The following ULK2 variants were observed in gnomAD, a reference collection of about 807,000 sequenced individuals.
ULK2 encodes unc-51 like autophagy activating kinase 2.
In ULK2, 76 loss-of-function variants were observed where a neutral mutation model predicts 127.5. The ratio of observed to expected loss-of-function variants is 0.60; its 90% CI spans 0.50 to 0.72. The LOEUF (loss-of-function observed/expected upper bound fraction) is 0.72, where lower values mean the gene tolerates loss of function less well. Ranked by LOEUF, ULK2 falls within the 30% of genes least tolerant of loss-of-function variation. ULK2 has a pLI of 0.00. For missense variants in ULK2, 1,144 were observed against 1,295.9 expected, an observed-to-expected ratio of 0.88 and a Z score of 1.80; for synonymous variants, 452 against 461.9, an observed-to-expected ratio of 0.98 and a Z score of 0.28.
chr17:19,824,953 T>C, intron 12 of ULK2, 141 bp downstream of exon 12: 1 of 810,882 alleles, frequency 1.2e-6, no homozygotes, highest in South Asian at 1.8e-5. Flanking sequence ...GACCCAACTA[T>C]CATGTTCTTT....
At chr17:19,788,949 G>A (rs889328977) in intron 20 of ULK2, among the ~76,000 whole-genome samples, 3 of 152,156 alleles carry the variant, frequency 2.0e-5, no homozygotes, top group South Asian at 2.1e-4. Context: ...AGATTTCTAA[G>A]GTTTTTTATT....
At chr17:19,788,210 T>C (rs2087076907) in intron 20 of ULK2, among the ~76,000 whole-genome samples, 2 of 152,164 alleles carry the variant, frequency 1.3e-5, no homozygotes, top group South Asian at 2.1e-4. Context: ...GATTGGGGCA[T>C]GACTTAGAGA....
chr17:19,797,956 G>A (rs368924372), intron 17 of ULK2, among the ~76,000 whole-genome samples: 32 of 152,036 alleles, frequency 2.1e-4, no homozygotes, highest in South Asian at 1.9e-3. Flanking sequence ...ATTAATGCAA[G>A]GTCTGACTAG....
intron 3 of ULK2, among the ~76,000 whole-genome samples, chr17:19,857,372 G>A (rs1172370731): frequency 2.6e-5 from 4 of 151,674 alleles, no homozygotes; most frequent in Non-Finnish European, 5.9e-5. Flanking sequence ...CAGCTTCTGA[G>A]TTTCTTATCT....
At chr17:19,803,035 C>G (rs2152386835) in intron 15 of ULK2, among the ~76,000 whole-genome samples, 1 of 152,296 alleles carries the variant, frequency 6.6e-6, no homozygotes, top group South Asian at 2.1e-4. Context: ...CTGAATTTTT[C>G]CAACATTCCA....
At chr17:19,810,324 T>C in intron 14 of ULK2, 54 bp downstream of exon 14, 2 of 1,139,282 alleles carry the variant, frequency 1.8e-6, no homozygotes, top group Non-Finnish European at 2.6e-6. Flanking sequence ...ATAACCTTAC[T>C]CACAAAAATA....
At chr17:19,863,179 C>T (rs183515193) in intron 3 of ULK2, among the ~76,000 whole-genome samples, 30 of 151,808 alleles carry the variant, frequency 2.0e-4, no homozygotes, top group Admixed American at 1.8e-3. Flanking sequence ...CACACCACTT[C>T]ACTCCAGCCT....
chr17:19,801,092 G>C lies in ULK2; in HGVS notation c.1441+685C>G, dbSNP rs150153252. On this transcript the variant is annotated intron_variant, in intron 16 of 26. Coordinates refer to ENST00000395544, the MANE Select transcript of ULK2 (RefSeq NM_014683.4). ...GAAGGTTTCTGGTAATTGTGACCCA[G>C]AGCTGCTATACAGTAATCCTTATAA... 4.0e-3 allele frequency among the ~76,000 whole-genome samples: 604 copies of C among 151,922 alleles called. 10 individuals are homozygous for C. The highest frequency in any genetic ancestry group is 0.039 in the East Asian group (199 of 5,142).
At chr17:19,791,503 G>A (rs2087152033) in intron 20 of ULK2, among the ~76,000 whole-genome samples, 1 of 152,058 alleles carries the variant, frequency 6.6e-6, no homozygotes, top group African/African-American at 2.4e-5. Flanking sequence ...TGGCCAACAT[G>A]GTGAAACCCC....
chr17:19,843,720 G>A (rs9913673), intron 7 of ULK2, among the ~76,000 whole-genome samples: 4,628 of 150,514 alleles, frequency 0.031, 221 homozygotes, highest in African/African-American at 0.11. Context: ...GTGCAGTGGC[G>A]TGATCTCGGC....
At chr17:19,845,413 C>T (rs375755126) in intron 6 of ULK2, 36 bp from the exon 7 acceptor site, 8 of 1,486,536 alleles carry the variant, frequency 5.4e-6, no homozygotes, top group Admixed American at 1.7e-5. Flanking sequence ...AAGCAAATTA[C>T]GTCTTCGCTC....
At chr17:19,802,929 A>G (rs2087431687) in intron 15 of ULK2, among the ~76,000 whole-genome samples, 1 of 152,204 alleles carries the variant, frequency 6.6e-6, no homozygotes, top group Non-Finnish European at 1.5e-5. Flanking sequence ...ACATTAAACA[A>G]TATCAAAAAG....
chr17:19,867,409 C>T lies in ULK2; in HGVS notation c.9G>A (p.Val3=). 6.3e-7 allele frequency: 1 copy of T among 1,597,590 alleles called. No homozygotes were observed. The highest frequency in any genetic ancestry group is 8.5e-7 in the Non-Finnish European group (1 of 1,173,664). The change falls in exon 1 of 27, where the codon GTG becomes GTA. Residue 3 remains valine (V), a synonymous_variant. Coordinates refer to ENST00000395544, the MANE Select transcript of ULK2 (RefSeq NM_014683.4). ME[V]VGDFEYSKRD... ...TCTTGCTGTACTCGAAGTCACCCACCACCTCCATGGCCGCGCCCCCGGGGC... is the reference window on the plus strand; with the variant it reads ...TCTTGCTGTACTCGAAGTCACCCACTACCTCCATGGCCGCGCCCCCGGGGC...
intron 3 of ULK2, among the ~76,000 whole-genome samples, chr17:19,858,399 C>CA (rs1427005390): frequency 6.7e-6 from 1 of 149,480 alleles, no homozygotes; most frequent in African/African-American, 2.5e-5. Context: ...GACCCTGTCT[C>CA]AAAAAAGAAA....
At chr17:19,799,450 T>C in intron 17 of ULK2, 45 bp downstream of exon 17, 1 of 1,423,670 alleles carries the variant, frequency 7.0e-7, no homozygotes, top group Non-Finnish European at 9.4e-7. Flanking sequence ...CAAATCCATT[T>C]ATAATACAAT....
intron 3 of ULK2, among the ~76,000 whole-genome samples, chr17:19,857,096 G>A (rs937070632): frequency 1.3e-5 from 2 of 151,492 alleles, no homozygotes; most frequent in East Asian, 3.9e-4. Context: ...ACCTGAGGTC[G>A]GGAGTTCGAG....
intron 3 of ULK2, among the ~76,000 whole-genome samples, chr17:19,850,314 G>A (rs2041985087): frequency 1.3e-5 from 2 of 152,086 alleles, no homozygotes; most frequent in Non-Finnish European, 2.9e-5. Flanking sequence ...AAAGGGAAAT[G>A]TTTTATCACA....
At chr17:19,835,213 G>T (rs1482847651) in intron 10 of ULK2, among the ~76,000 whole-genome samples, 3 of 150,392 alleles carry the variant, frequency 2.0e-5, no homozygotes, top group Admixed American at 2.0e-4. Flanking sequence ...GTAGTGGCGC[G>T]ATCTTGGCTC....
At chr17:19,794,723 GAAAAA>G (rs11336353) in intron 20 of ULK2, among the ~76,000 whole-genome samples, 1 of 144,032 alleles carries the variant, frequency 6.9e-6, no homozygotes, top group African/African-American at 2.5e-5. Flanking sequence ...AAGTCATAGA[GAAAAA>G]AAAAAAAAAC....
Sources: gnomAD v4.1 joint callset for allele counts (sites outside exome capture counted in the v4.1 genomes callset) on GRCh38, gnomAD v4.1.1 for gene constraint, MANE v1.5 for transcripts, NCBI Gene and HGNC (gene_info 2026-07-23, HGNC 2026-07-21) for gene names.